The following SRPK2 variants were observed in gnomAD, a reference collection of about 807,000 sequenced individuals.
SRPK2 encodes the protein SRSF protein kinase 2.
In SRPK2, 21 loss-of-function variants were observed where a neutral mutation model predicts 90.8. The observed-to-expected ratio is 0.23, with a 90% confidence interval of 0.16 to 0.33. The LOEUF is 0.33. SRPK2 is among the 10% of genes least tolerant of loss of function. The pLI is 1.00. For missense variants in SRPK2, 620 were observed against 869.0 expected (o/e 0.71, Z 3.60); for synonymous variants, 288 against 311.1 (o/e 0.93, Z 0.78).
chr7:105,301,738 C>T lies in SRPK2; in HGVS notation c.71+86910G>A, dbSNP rs1810580487. On this transcript the variant is annotated intron_variant, in intron 2 of 15. Coordinates refer to ENST00000393651, the MANE Select transcript of SRPK2 (RefSeq NM_182692.3). ...CGCTTTTTTTTTAACAACACCGTAT[C>T]ATCAGCTGTAAAGCAGAGTATATTA... 3.7e-6 allele frequency: 6 copies of T among 1,605,288 alleles called. No individual in the cohort carries two copies. In the Admixed American group the frequency reaches 8.3e-5, roughly 22 times the overall value.
chr7:105,285,203 T>C (rs1330479807), intron 2 of SRPK2, among the ~76,000 whole-genome samples: 3 of 151,766 alleles, frequency 2.0e-5, no homozygotes, highest in Admixed American at 1.3e-4. Flanking sequence ...CTGGGCAACA[T>C]AGCGAAACCC....
intron 2 of SRPK2, among the ~76,000 whole-genome samples, chr7:105,388,323 C>T (rs902775808): frequency 1.3e-5 from 2 of 151,362 alleles, no homozygotes; most frequent in African/African-American, 4.8e-5. Context: ...ACCCCCGGGC[C>T]AGCTCGCGGG....
At chr7:105,345,781 C>G (rs1816381825) in intron 2 of SRPK2, among the ~76,000 whole-genome samples, 1 of 152,194 alleles carries the variant, frequency 6.6e-6, no homozygotes, top group East Asian at 1.9e-4. Context: ...TCTGCTCTTT[C>G]CATTATCATA....
intron 13 of SRPK2, among the ~76,000 whole-genome samples, chr7:105,128,239 C>T (rs1185568245): frequency 4.6e-5 from 7 of 152,334 alleles, no homozygotes; most frequent in African/African-American, 1.7e-4. Flanking sequence ...TTCCAGCTGA[C>T]CGAGCGATAA....
chr7:105,341,281 T>C (rs1397731552), intron 2 of SRPK2, among the ~76,000 whole-genome samples: 1 of 140,742 alleles, frequency 7.1e-6, no homozygotes, highest in Admixed American at 8.0e-5. Flanking sequence ...AGAGAATCAC[T>C]GGAACCTGGG....
At position 105,116,711 on chromosome 7, in the gene SRPK2, A is replaced by G. The variant is rs1799661912; in HGVS notation, c.*1127T>C. 6.6e-6 allele frequency: 1 copy of G among 152,644 alleles called. No individual in the cohort carries two copies. Among genetic ancestry groups the G allele is most frequent in the African/African-American group, 2.4e-5 (1 of 41,452 alleles). The allele number at this position is 152,644 out of a possible 1,614,324, so 9.5% of individuals were successfully genotyped here. A position where few individuals can be genotyped will look rare whatever the true frequency, so the allele number is the denominator to read the frequency against. On this transcript the variant is annotated 3_prime_UTR_variant, in exon 16 of 16. Transcript: ENST00000393651. Reference sequence around the variant, plus strand: ...AACTGTGTGCAACCTGCAAAGGGAAAATCATTTTCTCAACTTCGTTTCATG... The same window carrying G: ...AACTGTGTGCAACCTGCAAAGGGAAGATCATTTTCTCAACTTCGTTTCATG...
At chr7:105,343,339 T>TG (rs953332356) in intron 2 of SRPK2, among the ~76,000 whole-genome samples, 10 of 151,904 alleles carry the variant, frequency 6.6e-5, no homozygotes, top group South Asian at 2.1e-4. Context: ...GAAGCTGAGG[T>TG]GGGGGGATCA....
chr7:105,210,461 A>G (rs982219891), intron 2 of SRPK2, among the ~76,000 whole-genome samples: 3 of 152,208 alleles, frequency 2.0e-5, no homozygotes, highest in African/African-American at 7.2e-5. Flanking sequence ...GAATCGGTCA[A>G]TATAGGTTGA....
intron 2 of SRPK2, among the ~76,000 whole-genome samples, chr7:105,244,324 C>T (rs1020532197): frequency 2.0e-5 from 3 of 152,218 alleles, no homozygotes; most frequent in African/African-American, 7.2e-5. Context: ...AATCCCAGCA[C>T]TTTGGGAGGC....
chr7:105,364,405 G>GTTTTTTTTTTTTTTTTTTTTT (rs71152964), intron 2 of SRPK2, among the ~76,000 whole-genome samples: 2 of 133,906 alleles, frequency 1.5e-5, no homozygotes. Flanking sequence ...CGTGTGTAAC[G>GTTTTTTTTTTTTTTTTTTTTT]TTTTTTTTTT....
intron 2 of SRPK2, among the ~76,000 whole-genome samples, chr7:105,317,246 C>T (rs1374982160): frequency 6.6e-6 from 1 of 152,196 alleles, no homozygotes; most frequent in Non-Finnish European, 1.5e-5. Context: ...AATGTGGTGG[C>T]CCCAAGCTGT....
At chr7:105,266,288 T>G (rs1805062346) in intron 2 of SRPK2, among the ~76,000 whole-genome samples, 1 of 152,088 alleles carries the variant, frequency 6.6e-6, no homozygotes, top group Admixed American at 6.5e-5. Flanking sequence ...ACAAAAACAA[T>G]TCAACCAATA....
At position 105,366,417 on chromosome 7, in the gene SRPK2, T is replaced by C. The variant is rs144444754; in HGVS notation, c.71+22231A>G. 6.2e-3 allele frequency among the ~76,000 whole-genome samples: 902 copies of C among 144,598 alleles called. 15 individuals carry two copies. Among genetic ancestry groups the C allele is most frequent in the African/African-American group, 0.022 (869 of 39,176 alleles). 94.9% of individuals were successfully genotyped at this position (144,598 alleles called of 152,430 possible). On this transcript the variant is annotated intron_variant, in intron 2 of 15. Coordinates refer to ENST00000393651, the MANE Select transcript of SRPK2 (RefSeq NM_182692.3). Reference sequence around the variant, plus strand: ...CGGAGTGTCACCCTGTCGCACAGGCTGGAATGCAGTGGCATGATCTTGACT... The same window carrying C: ...CGGAGTGTCACCCTGTCGCACAGGCCGGAATGCAGTGGCATGATCTTGACT...
chr7:105,262,629 T>G (rs1804462147), intron 2 of SRPK2, among the ~76,000 whole-genome samples: 1 of 152,196 alleles, frequency 6.6e-6, no homozygotes, highest in African/African-American at 2.4e-5. Flanking sequence ...TACAAGACTA[T>G]AATCAGTGGG....
At chr7:105,118,049 C>A in intron 15 of SRPK2, 27 bp from the exon 16 acceptor site, 3 of 1,606,334 alleles carry the variant, frequency 1.9e-6, no homozygotes, top group Non-Finnish European at 2.6e-6. Context: ...AGGCCAATGT[C>A]AAGAAAGCTC....
At chr7:105,267,207 G>A (rs972416774) in intron 2 of SRPK2, among the ~76,000 whole-genome samples, 2 of 152,054 alleles carry the variant, frequency 1.3e-5, no homozygotes, top group African/African-American at 4.8e-5. Context: ...TTTCCTTACA[G>A]AATGTATTTT....
Position 105,245,034 on chromosome 7 carries a change from A to AACACACAAACACAC in SRPK2, c.72-41250_72-41249insGTGTGTTTGTGTGT. ...TTGAGAGGAAAAACAAAACAAAACA[A>AACACACAAACACAC]ACACACACACACACACACACACACA... On this transcript the variant is annotated intron_variant, in intron 2 of 15. Transcript: ENST00000393651. 5.7e-6 allele frequency: 3 copies of AACACACAAACACAC among 522,308 alleles called. No homozygotes were observed. In the South Asian group the frequency reaches 6.0e-5, roughly 10 times the overall value. The allele number at this position is 522,308 out of a possible 1,614,324, so 32.4% of individuals were successfully genotyped here.
chr7:105,392,117 G>A (rs1006902136), upstream of SRPK2, among the ~76,000 whole-genome samples: 2 of 152,156 alleles, frequency 1.3e-5, no homozygotes, highest in African/African-American at 4.8e-5. Flanking sequence ...GTCACATATT[G>A]TATGATTCCA....
At chr7:105,249,342 C>A (rs1802171157) in intron 2 of SRPK2, among the ~76,000 whole-genome samples, 1 of 152,070 alleles carries the variant, frequency 6.6e-6, no homozygotes, top group African/African-American at 2.4e-5. Flanking sequence ...CATTACTTAT[C>A]AACAAGGATT....
Sources: allele counts gnomAD v4.1 joint callset (sites outside exome capture counted in the v4.1 genomes callset), GRCh38; gene constraint gnomAD v4.1.1; transcripts MANE v1.5; gene names NCBI Gene and HGNC (gene_info 2026-07-23, HGNC 2026-07-21).